EML6: variants seen among roughly 807,000 people sequenced by gnomAD.
EML6 encodes echinoderm microtubule-associated protein-like 6.
Under a neutral mutation model 240.1 loss-of-function variants are expected in EML6, and 154 were observed. That is an observed-to-expected ratio of 0.64 (90% confidence interval 0.56 to 0.73). The LOEUF is 0.73. Ranked by LOEUF, EML6 falls within the 30% of genes least tolerant of loss-of-function variation. The pLI, the probability that EML6 is intolerant of heterozygous loss-of-function variation, is 0.00. For synonymous variants in EML6, 1,148 were observed against 899.0 expected (o/e 1.28, Z -4.95); for missense variants, 2,964 against 2,474.6 (o/e 1.20, Z -4.20).
chr2:54,859,764 C>A, intron 12 of EML6, 63 bp downstream of exon 12: 3 of 1,376,978 alleles, frequency 2.2e-6, no homozygotes, highest in South Asian at 1.5e-5. Context: ...AAAGAATGGT[C>A]TAACATGTAT....
At chr2:54,758,451 A>G (rs369701051) in intron 2 of EML6, among the ~76,000 whole-genome samples, 19 of 152,110 alleles carry the variant, frequency 1.2e-4, no homozygotes, top group African/African-American at 4.1e-4. Flanking sequence ...GTGGTTTCAG[A>G]AATGTTCTAT....
intron 2 of EML6, among the ~76,000 whole-genome samples, chr2:54,790,789 G>C (rs907041531): frequency 4.8e-5 from 7 of 146,542 alleles, no homozygotes; most frequent in Non-Finnish European, 1.0e-4. Context: ...GCAGTGGCGC[G>C]ATCTTGGCTC....
intron 12 of EML6, among the ~76,000 whole-genome samples, chr2:54,861,948 G>T (rs1006025966): frequency 6.6e-6 from 1 of 152,066 alleles, no homozygotes; most frequent in Admixed American, 6.5e-5. Flanking sequence ...CCTCACTGAG[G>T]TCAAGAGAGC....
At chr2:54,863,640 T>C in intron 12 of EML6, 143 bp from the exon 13 acceptor site, 1 of 637,114 alleles carries the variant, frequency 1.6e-6, no homozygotes, top group Non-Finnish European at 2.8e-6. Context: ...GAAAGAAAGA[T>C]GTTTTAACAA....
intron 10 of EML6, among the ~76,000 whole-genome samples, chr2:54,852,996 G>T (rs567281488): frequency 6.6e-6 from 1 of 152,180 alleles, no homozygotes; most frequent in African/African-American, 2.4e-5. Flanking sequence ...ATTTTCCCGC[G>T]TGAATTACAT....
At chr2:54,874,081 A>G (rs957776847) in intron 16 of EML6, among the ~76,000 whole-genome samples, 8 of 152,196 alleles carry the variant, frequency 5.3e-5, no homozygotes, top group East Asian at 1.9e-4. Context: ...TTAATTTTCT[A>G]TTTTTTGAAA....
intron 33 of EML6, among the ~76,000 whole-genome samples, chr2:54,958,862 C>T (rs896534628): frequency 6.6e-6 from 1 of 152,078 alleles, no homozygotes; most frequent in African/African-American, 2.4e-5. Flanking sequence ...CACAGCTGTG[C>T]TCAGAGGGGA....
intron 9 of EML6, 140 bp downstream of exon 9, chr2:54,847,763 C>G: frequency 1.1e-6 from 1 of 937,500 alleles, no homozygotes; most frequent in Non-Finnish European, 1.5e-6. Context: ...CTACGATCCC[C>G]TATCTGTAAT....
At chr2:54,943,032 G>A (rs2104453350) in intron 28 of EML6, among the ~76,000 whole-genome samples, 1 of 152,244 alleles carries the variant, frequency 6.6e-6, no homozygotes, top group South Asian at 2.1e-4. Flanking sequence ...CAGAGAGGCT[G>A]CCTGGCTGCT....
chr2:54,785,846 T>A (rs1188461829), intron 2 of EML6, among the ~76,000 whole-genome samples: 2 of 152,008 alleles, frequency 1.3e-5, no homozygotes, highest in Admixed American at 6.6e-5. Context: ...TCCAAAAAAA[T>A]GTTTTAGTGT....
At chr2:54,756,129 G>A (rs1049216516) in intron 2 of EML6, among the ~76,000 whole-genome samples, 3 of 152,180 alleles carry the variant, frequency 2.0e-5, no homozygotes, top group Non-Finnish European at 2.9e-5. Context: ...GCGATAGGTG[G>A]CAGTTTCTGC....
chr2:54,741,511 A>C (rs1683630544), intron 2 of EML6, among the ~76,000 whole-genome samples: 1 of 152,212 alleles, frequency 6.6e-6, no homozygotes, highest in South Asian at 2.1e-4. Flanking sequence ...AAGCAGTGAC[A>C]CATCAGCACC....
intron 21 of EML6, among the ~76,000 whole-genome samples, chr2:54,896,914 C>G (rs535703474): frequency 2.6e-5 from 4 of 152,300 alleles, no homozygotes; most frequent in African/African-American, 9.6e-5. Flanking sequence ...AAACAAACCT[C>G]GAAAGCTCTG....
chr2:54,725,135 G>C lies in EML6; in HGVS notation c.74G>C (p.Arg25Pro), dbSNP rs1682849389. 6.5e-7 allele frequency: 1 copy of C among 1,540,064 alleles called. No individual in the cohort carries two copies. Among genetic ancestry groups the C allele is most frequent in the African/African-American group, 1.4e-5 (1 of 71,584 alleles). ...TACGGGTACCGGGGTCACCAGTGCC[G>C]CAACAACCTGTACTACACGGCAGGC... ...WVYGYRGHQCRNNLYYTAGKE... is the reference protein window; with the variant it reads ...WVYGYRGHQCPNNLYYTAGKE... Residue 25 changes from arginine to proline, a missense_variant, in exon 2 of 42, where the codon CGC becomes CCC. By Grantham distance (103) the Arg-to-Pro change is moderately radical. Transcript: ENST00000356458. The surrounding 1 kb of genome is among the most constrained non-coding windows in gnomAD (Gnocchi z 4.3).
intron 22 of EML6, among the ~76,000 whole-genome samples, chr2:54,900,283 G>A (rs769709768): frequency 2.0e-5 from 3 of 152,136 alleles, no homozygotes; most frequent in Admixed American, 6.5e-5. Flanking sequence ...CTTCTGTGTG[G>A]CAGGCACAGG....
chr2:54,925,776 G>C (rs1573156021), intron 26 of EML6, among the ~76,000 whole-genome samples: 2 of 152,234 alleles, frequency 1.3e-5, no homozygotes, highest in Non-Finnish European at 1.5e-5. Flanking sequence ...ACCAAATTCT[G>C]TTTTTTGACA....
chr2:54,959,282 A>C (rs1353884831), intron 34 of EML6, 21 bp downstream of exon 34: 13 of 1,497,662 alleles, frequency 8.7e-6, no homozygotes, highest in Non-Finnish European at 1.2e-5. Context: ...GCTCCTATGG[A>C]AACAACTTGT....
chr2:54,870,014 TTA>T (rs200501546), intron 15 of EML6, among the ~76,000 whole-genome samples: 1,659 of 152,340 alleles, frequency 0.011, 14 homozygotes, highest in Non-Finnish European at 0.016. Flanking sequence ...AAAAGTATTT[TTA>T]GTTTTATCTT....
intron 9 of EML6, among the ~76,000 whole-genome samples, chr2:54,848,460 T>C (rs1233533973): frequency 2.0e-5 from 3 of 151,250 alleles, no homozygotes; most frequent in Middle Eastern, 3.4e-3. Context: ...CTCTGCTTAG[T>C]GACGTGTGAA....
Sources: allele counts gnomAD v4.1 joint callset (sites outside exome capture counted in the v4.1 genomes callset), GRCh38; gene constraint gnomAD v4.1.1; non-coding constraint Gnocchi (gnomAD v3.1); transcripts MANE v1.5; gene names NCBI Gene and HGNC (gene_info 2026-07-23, HGNC 2026-07-21).